The following SBNO2 variants were observed in gnomAD, a reference collection of about 807,000 sequenced individuals.
SBNO2 encodes protein strawberry notch homolog 2.
A neutral mutation model predicts 146.3 loss-of-function variants in SBNO2; 89 were observed. The observed-to-expected ratio is 0.61, with a 90% CI of 0.51 to 0.73. SBNO2 has a LOEUF of 0.73. Among genes scored for constraint, SBNO2 ranks in the 30% least tolerant of loss-of-function variants. The pLI, the probability that SBNO2 is intolerant of heterozygous loss-of-function variation, is 0.00. For missense variants in SBNO2, 2,092 were observed against 2,003.7 expected (o/e 1.04, Z -0.84); for synonymous variants, 1,147 against 892.6 (o/e 1.29, Z -5.08).
chr19:1,118,248 G>C (rs1384958136), intron 14 of SBNO2, among the ~76,000 whole-genome samples: 2 of 151,938 alleles, frequency 1.3e-5, no homozygotes, highest in African/African-American at 4.8e-5. Flanking sequence ...TGAGGCAGGA[G>C]AATTGCTTGA....
At position 1,144,927 on chromosome 19, in the gene SBNO2, G is replaced by C. The variant is rs12983815; in HGVS notation, c.279+2382C>G. ...GCGGAGATGGAGACAGAGACAGAGA[G>C]ACAGAGACAGAGAGGGAGACAGAGA... On this transcript the variant is annotated intron_variant, in intron 4 of 31. Transcript: ENST00000361757. The surrounding 1 kb of genome is among the most constrained non-coding windows in gnomAD (Gnocchi z 4.1). Among the ~76,000 whole-genome samples, 4 of 150,910 alleles carry C rather than the reference G, an allele frequency of 2.7e-5. No individual in the cohort carries two copies. The East Asian group carries it at 5.9e-4, about 22-fold the overall frequency.
At position 1,158,224 on chromosome 19, in the gene SBNO2, C is replaced by T. The variant is rs551289454; in HGVS notation, c.-126-3822G>A. On this transcript the variant is annotated intron_variant, in intron 1 of 31. Coordinates refer to ENST00000361757, the MANE Select transcript of SBNO2 (RefSeq NM_014963.3). This position sits in a 1 kb window ranked among gnomAD's most constrained non-coding sequence, Gnocchi z 9.9. ...CCCCTGGGGGTCCCTGAGCACCTGT[C>T]GTGTGGAGCCCCTTCGCGCGCTCCG... 6.6e-6 allele frequency among the ~76,000 whole-genome samples: 1 copy of T among 152,318 alleles called. No individual in the cohort carries two copies. Among genetic ancestry groups the T allele is most frequent in the East Asian group, 1.9e-4 (1 of 5,182 alleles).
chr19:1,112,963 AG>A lies in SBNO2; in HGVS notation c.2248-15del. 6.4e-7 allele frequency: 1 copy of A among 1,554,038 alleles called. No individual in the cohort carries two copies. On this transcript the variant is annotated splice_polypyrimidine_tract_variant and intron_variant, in intron 19 of 31. Transcript: ENST00000361757. The surrounding 1 kb of genome is among the most constrained non-coding windows in gnomAD (Gnocchi z 5.9). ...CCTGCCGGTCATCTGCAGCCGAGAC[AG>A]GGACAAAACCGGCCGTCAGTGTTGT...
In SBNO2 at chr19:1,117,431, C is replaced by T. The variant is rs781433669; in HGVS notation, c.1596G>A (p.Leu532=). 4 of 1,590,564 alleles carry T rather than the reference C, an allele frequency of 2.5e-6. No individual in the cohort carries two copies. The highest frequency in any genetic ancestry group is 3.4e-6 in the Non-Finnish European group (4 of 1,170,118). Residue 532 remains leucine, a synonymous_variant, in exon 15 of 32, where the codon CTG becomes CTA. Coordinates refer to ENST00000361757, the MANE Select transcript of SBNO2 (RefSeq NM_014963.3). The part of the protein sequence containing the change: ...DWIGLESRKS[L]WGQFWSAHQR... ...GGTGTGCCGACCAGAACTGGCCCCA[C>T]AGGGACTTGCGCGACTCCAGGCCGA...
At position 1,122,173 on chromosome 19, in the gene SBNO2, A is replaced by G. The variant is rs1226704385; in HGVS notation, c.1115T>C (p.Ile372Thr). The G allele has an allele frequency of 5.2e-6, 8 of 1,525,948 alleles. No individual in the cohort carries two copies. Among genetic ancestry groups the G allele is most frequent in the Non-Finnish European group, 7.1e-6 (8 of 1,134,040 alleles). 94.5% of individuals were successfully genotyped at this position (1,525,948 alleles called of 1,614,324 possible). A position where few individuals can be genotyped will look rare whatever the true frequency, so the allele number is the denominator to read the frequency against. Residue 372 changes from isoleucine to threonine, a missense_variant, in exon 11 of 32, where the codon ATC (isoleucine) becomes ACC (threonine). Transcript: ENST00000361757. Reference sequence around the variant, plus strand: ...GAAGGCCTCCCCACACCAGTCCAGGATCTGCCGGAGGCGAGTGCGGTGCTG... The same window carrying G: ...GAAGGCCTCCCCACACCAGTCCAGGGTCTGCCGGAGGCGAGTGCGGTGCTG... ...GGQHRTRLRQILDWCGEAFEG... is the reference protein window; with the variant it reads ...GGQHRTRLRQTLDWCGEAFEG...
At chr19:1,167,458 G>A (rs574495157) in intron 1 of SBNO2, among the ~76,000 whole-genome samples, 1 of 152,334 alleles carries the variant, frequency 6.6e-6, no homozygotes, top group East Asian at 1.9e-4. Flanking sequence ...GCCGGGGGCG[G>A]GATTCTGCTC....
chr19:1,166,012 C>T (rs1568647868), intron 1 of SBNO2, among the ~76,000 whole-genome samples: 3 of 140,634 alleles, frequency 2.1e-5, no homozygotes, highest in South Asian at 2.3e-4. Flanking sequence ...ATCCTAGATC[C>T]CAGACCTCAG....
intron 4 of SBNO2, 107 bp from the exon 5 acceptor site, chr19:1,127,872 G>A: frequency 9.7e-7 from 1 of 1,032,084 alleles, no homozygotes. Context: ...CCACACACTG[G>A]AGCATGTGGG....
rs572453636 is a variant in SBNO2 at position 1,110,362 on chromosome 19, T to A, written c.3028+383A>T. 6.6e-6 allele frequency among the ~76,000 whole-genome samples: 1 copy of A among 152,280 alleles called. No individual in the cohort carries two copies. Among genetic ancestry groups the A allele is most frequent in the East Asian group, 1.9e-4 (1 of 5,180 alleles). On this transcript the variant is annotated intron_variant, in intron 26 of 31. Coordinates refer to ENST00000361757, the MANE Select transcript of SBNO2 (RefSeq NM_014963.3). The surrounding 1 kb of genome is among the most constrained non-coding windows in gnomAD (Gnocchi z 4.9). The stretch of plus-strand genomic sequence containing the variant: ...GCCCCGTGAAGCCTGGGGATGAGCA[T>A]GGTGGGCAGCGTGCACCAGCCTGGG...
Position 1,113,700 on chromosome 19 carries a change from G to A in SBNO2, c.2082C>T (p.Pro694=). 6.4e-7 allele frequency: 1 copy of A among 1,552,026 alleles called. No individual in the cohort carries two copies. The highest frequency in any genetic ancestry group is 8.7e-7 in the Non-Finnish European group (1 of 1,151,518). Residue 694 remains proline (P), a synonymous_variant, in exon 19 of 32, where the codon CCC becomes CCT. Transcript: ENST00000361757. ...GCGGGTCTCTCTGCAGGAGGCACAG[G>A]GGTCCTAGGGAGGAGGTGGAGGGTC... is the stretch of plus-strand genomic sequence containing the variant. ...AVGLPSDDRG[P]LCLLQRDPHG... is the part of the protein sequence containing the mutation.
rs796464860 is a variant in SBNO2, at chr19:1,153,222, T to TA, written c.93+961dup. Among the ~76,000 whole-genome samples, 112 of 151,226 alleles carry TA rather than the reference T, an allele frequency of 7.4e-4. 1 individual carries two copies. In the East Asian group the frequency reaches 0.011, roughly 15 times the overall value. ...ATAAATATATATATACACGTTTATA[T>TA]ATTTTTAATTTAAAAATTTTTTTTT... On this transcript the variant is annotated intron_variant, in intron 2 of 31. Transcript: ENST00000361757.
chr19:1,128,426 ACT>A, intron 4 of SBNO2: 1 of 284,420 alleles, frequency 3.5e-6, no homozygotes, highest in African/African-American at 2.4e-5. Context: ...GGATTCTTAC[ACT>A]GTCGCCCGGG....
At chr19:1,172,690 G>T (rs1417365541) in intron 1 of SBNO2, among the ~76,000 whole-genome samples, 1 of 151,644 alleles carries the variant, frequency 6.6e-6, no homozygotes, top group African/African-American at 2.4e-5. Context: ...TGCCCACGGG[G>T]TCTGCGGCCC....
chr19:1,115,968 G>C (rs758848280), intron 17 of SBNO2, 53 bp downstream of exon 17: 10 of 1,455,520 alleles, frequency 6.9e-6, no homozygotes, highest in South Asian at 1.2e-5. Flanking sequence ...CAGCCCCCGG[G>C]GGGAGAAAGC....
At position 1,154,269 on chromosome 19, in the gene SBNO2, G is replaced by A. The variant is rs1387505935; in HGVS notation, c.8C>T (p.Ala3Val). The change falls in exon 2 of 32, where the codon GCA becomes GTA. Residue 3 changes from alanine to valine, a missense_variant. Transcript: ENST00000361757. ...ATCCCTGTCCATGGCGGGCCCCACT[G>A]CAAGCATCGGGCGGCAGGCGGGGTG... MLAVGPAMDRDYP... is the reference protein window; with the variant it reads MLVVGPAMDRDYP... 7.9e-7 allele frequency: 1 copy of A among 1,265,314 alleles called. No homozygotes were observed. The highest frequency in any genetic ancestry group is 1.0e-6 in the Non-Finnish European group (1 of 1,004,268). 78.4% of individuals were successfully genotyped at this position (1,265,314 alleles called of 1,614,324 possible).
chr19:1,119,670 G>GAC (rs1414520542), intron 12 of SBNO2, 49 bp from the exon 13 acceptor site: 22 of 1,483,316 alleles, frequency 1.5e-5, no homozygotes, highest in Non-Finnish European at 1.9e-5. Context: ...GGGCCCAGAG[G>GAC]CCGCGTCAGG....
intron 6 of SBNO2, 137 bp from the exon 7 acceptor site, chr19:1,123,776 G>T: frequency 9.4e-7 from 1 of 1,067,692 alleles, no homozygotes; most frequent in Non-Finnish European, 1.3e-6. Context: ...GTCTGCCCCT[G>T]CAGCAAGGTG....
intron 4 of SBNO2, chr19:1,132,353 C>G: frequency 8.2e-7 from 1 of 1,223,082 alleles, no homozygotes; most frequent in Non-Finnish European, 1.0e-6. Context: ...CCCCGTAAGT[C>G]AGGGCAATTA....
intron 1 of SBNO2, among the ~76,000 whole-genome samples, chr19:1,170,090 T>G (rs753856837): frequency 2.6e-5 from 4 of 152,158 alleles, no homozygotes; most frequent in African/African-American, 7.2e-5. Context: ...GTCTGGCGTC[T>G]CTCCGCAAGC....
Sources: allele counts gnomAD v4.1 joint callset (sites outside exome capture counted in the v4.1 genomes callset), GRCh38; gene constraint gnomAD v4.1.1; non-coding constraint Gnocchi (gnomAD v3.1); transcripts MANE v1.5; gene names NCBI Gene and HGNC (gene_info 2026-07-23, HGNC 2026-07-21).